SEC31A: variants seen among roughly 807,000 people sequenced by gnomAD.
SEC31A encodes the protein protein transport protein Sec31A.
In SEC31A, 70 loss-of-function variants were observed where a neutral mutation model predicts 151.0. The ratio of observed to expected loss-of-function variants is 0.46; its 90% CI spans 0.38 to 0.57. The LOEUF (loss-of-function observed/expected upper bound fraction) is 0.57, where lower values mean the gene tolerates loss of function less well. SEC31A is among the 20% of genes least tolerant of loss of function. SEC31A has a pLI of 0.00. For synonymous variants in SEC31A, 475 were observed against 505.9 expected, an observed-to-expected ratio of 0.94 and a Z score of 0.82; for missense variants, 1,330 against 1,471.2, an observed-to-expected ratio of 0.90 and a Z score of 1.57.
At chr4:82,889,969 T>A (rs1488777022) in intron 1 of SEC31A, among the ~76,000 whole-genome samples, 2 of 152,054 alleles carry the variant, frequency 1.3e-5, no homozygotes, top group Non-Finnish European at 2.9e-5. Flanking sequence ...GGCTTATGCC[T>A]GTAACCCCAG....
chr4:82,824,406 T>C lies in SEC31A; in HGVS notation c.3411+149A>G, dbSNP rs1195917670. The C allele has an allele frequency of 4.2e-6, 3 of 716,580 alleles. No homozygotes were observed. In the Admixed American group the frequency reaches 9.5e-5, roughly 23 times the overall value. 44.4% of individuals were successfully genotyped at this position (716,580 alleles called of 1,614,324 possible). On this transcript the variant is annotated intron_variant, in intron 25 of 26. Coordinates refer to ENST00000395310, the MANE Select transcript of SEC31A (RefSeq NM_001077207.4). Reference sequence around the variant, plus strand: ...TTGTAGTAGAGACGGGGTTTTGCTATGTTGGCCAGGATGGTCTTGAACTCC... The same window carrying C: ...TTGTAGTAGAGACGGGGTTTTGCTACGTTGGCCAGGATGGTCTTGAACTCC...
intron 8 of SEC31A, among the ~76,000 whole-genome samples, chr4:82,868,893 C>T (rs1003080113): frequency 1.4e-4 from 22 of 152,140 alleles, no homozygotes; most frequent in African/African-American, 5.3e-4. Flanking sequence ...TGGGGTTTCA[C>T]CAGCCTGCCT....
intron 7 of SEC31A, among the ~76,000 whole-genome samples, chr4:82,870,698 T>G (rs1736462330): frequency 6.6e-6 from 1 of 151,572 alleles, no homozygotes. Context: ...TGAGACTCTA[T>G]CTCAACATAA....
rs35579207 is a variant in SEC31A at position 82,844,490 on chromosome 4, G to A, written c.2522C>T (p.Pro841Leu). The A allele has an allele frequency of 4.1e-3, 6,617 of 1,613,798 alleles. 239 individuals carry two copies. In the African/African-American group the frequency reaches 0.075, roughly 18 times the overall value. The change falls in exon 21 of 27, where the codon CCG (proline) becomes CTG (leucine). Residue 841 changes from proline to leucine, a missense_variant. Pro to Leu is a moderately conservative substitution (Grantham distance 98, BLOSUM62 -3). Transcript: ENST00000395310. Reference sequence around the variant, plus strand: ...AACATTTCCATGCATTATGAAACCCGGAGGTGGAGGATTTTCTCCCTAAGA... The same window carrying A: ...AACATTTCCATGCATTATGAAACCCAGAGGTGGAGGATTTTCTCCCTAAGA... The part of the protein sequence containing the change: ...YYPHGENPPP[P>L]GFIMHGNVNP...
chr4:82,878,404 G>T (rs973803421), intron 4 of SEC31A, among the ~76,000 whole-genome samples: 4 of 152,180 alleles, frequency 2.6e-5, no homozygotes, highest in African/African-American at 9.6e-5. Context: ...TGAGGCAGGA[G>T]AATCACTTGA....
intron 3 of SEC31A, among the ~76,000 whole-genome samples, chr4:82,880,213 AC>A (rs1738970503): frequency 6.6e-6 from 1 of 151,682 alleles, no homozygotes; most frequent in East Asian, 1.9e-4. Flanking sequence ...AAAAAACCAC[AC>A]ACACACCAAA....
intron 3 of SEC31A, chr4:82,898,044 ATC>A (rs1181999888): frequency 6.6e-6 from 1 of 152,226 alleles, no homozygotes; most frequent in African/African-American, 2.4e-5. Context: ...TTTTCTCAAC[ATC>A]TCTGAGAGTA....
upstream of SEC31A, chr4:82,894,821 A>C (rs898675203): frequency 6.6e-6 from 1 of 152,220 alleles, no homozygotes; most frequent in African/African-American, 2.4e-5. Context: ...CTGATGTCTT[A>C]TTCTTCTTAG....
chr4:82,866,675 T>G, intron 10 of SEC31A, 133 bp downstream of exon 10: 1 of 766,814 alleles, frequency 1.3e-6, no homozygotes, highest in East Asian at 2.9e-5. Flanking sequence ...CCATTTTGAA[T>G]GATGAAATAC....
chr4:82,841,511 C>T (rs369241362), intron 22 of SEC31A, among the ~76,000 whole-genome samples: 2 of 131,426 alleles, frequency 1.5e-5, no homozygotes, highest in Non-Finnish European at 3.3e-5. Context: ...CTTGGCGGCT[C>T]GTGCCTGTAG....
intron 20 of SEC31A, chr4:82,845,361 C>A (rs1395984784): frequency 2.2e-6 from 2 of 923,564 alleles, no homozygotes; most frequent in East Asian, 3.0e-5. Context: ...AGAAAAAAAC[C>A]CCAAAAGGTA....
intron 2 of SEC31A, 94 bp from the exon 3 acceptor site, chr4:82,881,016 C>T (rs1018843886): frequency 1.8e-6 from 2 of 1,085,936 alleles, no homozygotes; most frequent in African/African-American, 1.6e-5. Context: ...TTTCCATTCT[C>T]TTGCTCATGA....
chr4:82,829,112 T>C, intron 22 of SEC31A, 54 bp from the exon 23 acceptor site: 1 of 1,413,702 alleles, frequency 7.1e-7, no homozygotes, highest in East Asian at 2.3e-5. Context: ...GGAAAAAAAA[T>C]AAAACTGAAT....
At chr4:82,820,576 T>G (rs1023053781) in intron 26 of SEC31A, among the ~76,000 whole-genome samples, 2 of 152,200 alleles carry the variant, frequency 1.3e-5, no homozygotes, top group African/African-American at 4.8e-5. Context: ...TTACAGCACA[T>G]TACCCTATTC....
Position 82,827,468 on chromosome 4 carries a change from A to T in SEC31A, c.3192T>A (p.His1064Gln). ...QPHLPGGQPF[H>Q]GVQQPLGQTG... ...TTTGACCAAGAGGTTGCTGTACGCC[A>T]TGGAAGGGCTGGCCACCTGGAAGAT... Residue 1064 changes from histidine (H) to glutamine (Q), a missense_variant, in exon 24 of 27, where the codon CAT becomes CAA. Physicochemically the swap from His to Gln is conservative, Grantham distance 24. Coordinates refer to ENST00000395310, the MANE Select transcript of SEC31A (RefSeq NM_001077207.4). The T allele has an allele frequency of 1.2e-6, 2 of 1,614,230 alleles. No individual in the cohort carries two copies. The highest frequency in any genetic ancestry group is 1.7e-6 in the Non-Finnish European group (2 of 1,180,038).
Position 82,864,492 on chromosome 4 carries a change from T to C in SEC31A, c.1304A>G (p.Glu435Gly). 1 of 1,614,172 alleles carries C rather than the reference T, an allele frequency of 6.2e-7. No homozygotes were observed. Among genetic ancestry groups the C allele is most frequent in the South Asian group, 1.1e-5 (1 of 91,080 alleles). ...GTCTGATCGGCTGAGGAACTCCTTTTCTGTTACAACCTGACTAATGAACAC... is the reference window on the plus strand; with the variant it reads ...GTCTGATCGGCTGAGGAACTCCTTTCCTGTTACAACCTGACTAATGAACAC... ...HHVFISQVVT[E>G]KEFLSRSDQL... is the part of the protein sequence containing the mutation. The change falls in exon 11 of 27, where the codon GAA becomes GGA. Residue 435 changes from glutamate to glycine, a missense_variant. Physicochemically the swap from Glu to Gly is moderately conservative, Grantham distance 98. Coordinates refer to ENST00000395310, the MANE Select transcript of SEC31A (RefSeq NM_001077207.4).
chr4:82,856,596 C>T lies in SEC31A; in HGVS notation c.1881+356G>A, dbSNP rs935756687. Reference sequence around the variant, plus strand: ...TGAAACCCCATCTCTACTAAAAATACAAAAATTATCTAAGCATGGTGGCGG... The same window carrying T: ...TGAAACCCCATCTCTACTAAAAATATAAAAATTATCTAAGCATGGTGGCGG... On this transcript the variant is annotated intron_variant, in intron 16 of 26. Transcript: ENST00000395310. Among the ~76,000 whole-genome samples, 3 of 151,454 alleles carry T rather than the reference C, an allele frequency of 2.0e-5. No individual in the cohort carries two copies. In the East Asian group the frequency reaches 5.9e-4, roughly 30 times the overall value.
At chr4:82,895,446 G>A (rs185621248), upstream of SEC31A, 8 of 152,304 alleles carry the variant, frequency 5.3e-5, no homozygotes, top group East Asian at 1.5e-3. Flanking sequence ...CTCCAGCCTG[G>A]GCAACAGAGT....
intron 25 of SEC31A, among the ~76,000 whole-genome samples, chr4:82,823,500 G>A (rs1341818743): frequency 1.3e-5 from 2 of 152,200 alleles, no homozygotes; most frequent in African/African-American, 4.8e-5. Flanking sequence ...CCAGCAGAAG[G>A]CTGCACATAT....
Sources: allele counts gnomAD v4.1 joint callset (sites outside exome capture counted in the v4.1 genomes callset), GRCh38; gene constraint gnomAD v4.1.1; transcripts MANE v1.5; gene names NCBI Gene and HGNC (gene_info 2026-07-23, HGNC 2026-07-21).